The following ZNF521 variants were observed in gnomAD, a reference collection of about 807,000 sequenced individuals.
The protein encoded by ZNF521 is zinc finger protein 521, also known as LYST-interacting protein 3.
Under a neutral mutation model 105.5 loss-of-function variants are expected in ZNF521, and 14 were observed. The ratio of observed to expected loss-of-function variants is 0.13; its 90% CI spans 0.09 to 0.21. The LOEUF is 0.21. Ranked by LOEUF, ZNF521 falls within the 10% of genes least tolerant of loss-of-function variation. ZNF521 has a pLI of 1.00. For synonymous variants in ZNF521, 635 were observed against 606.0 expected, an observed-to-expected ratio of 1.05 and a Z score of -0.70; for missense variants, 1,233 against 1,629.7, an observed-to-expected ratio of 0.76 and a Z score of 4.19.
chr18:25,209,522 G>A (rs961127451), intron 4 of ZNF521, among the ~76,000 whole-genome samples: 1 of 152,138 alleles, frequency 6.6e-6, no homozygotes, highest in African/African-American at 2.4e-5. Flanking sequence ...CTGTGTATGT[G>A]ATTCATACAG....
chr18:25,109,987 T>A (rs1242076876), intron 5 of ZNF521, among the ~76,000 whole-genome samples: 1 of 152,242 alleles, frequency 6.6e-6, no homozygotes, highest in African/African-American at 2.4e-5. Context: ...TTAATCTTTA[T>A]AATTCTTATA....
At chr18:25,167,593 A>G (rs2035367592) in intron 5 of ZNF521, among the ~76,000 whole-genome samples, 1 of 152,210 alleles carries the variant, frequency 6.6e-6, no homozygotes, top group Non-Finnish European at 1.5e-5. Flanking sequence ...TATTTAAAAA[A>G]TGCTTTTCTA....
intron 5 of ZNF521, among the ~76,000 whole-genome samples, chr18:25,159,846 C>T (rs1296077849): frequency 6.6e-6 from 1 of 152,172 alleles, no homozygotes; most frequent in Non-Finnish European, 1.5e-5. Context: ...CTCAGTGTAA[C>T]ACCAAGATAA....
chr18:25,103,748 G>A (rs1489810747), intron 5 of ZNF521, among the ~76,000 whole-genome samples: 2 of 141,216 alleles, frequency 1.4e-5, no homozygotes, highest in East Asian at 4.9e-4. Flanking sequence ...GTGATGGGAA[G>A]AGAGAAGGAG....
intron 2 of ZNF521, among the ~76,000 whole-genome samples, chr18:25,330,357 G>A (rs1269615790): frequency 6.6e-6 from 1 of 151,706 alleles, no homozygotes; most frequent in African/African-American, 2.4e-5. Context: ...GTAGAGACAG[G>A]GTTTCACCAT....
intron 4 of ZNF521, among the ~76,000 whole-genome samples, chr18:25,223,253 G>C (rs961841421): frequency 6.6e-6 from 1 of 152,182 alleles, no homozygotes; most frequent in Non-Finnish European, 1.5e-5. Context: ...ACTTGGGGAG[G>C]GGAGAAGGGG....
intron 5 of ZNF521, among the ~76,000 whole-genome samples, chr18:25,166,841 T>A (rs2035350900): frequency 6.6e-6 from 1 of 152,236 alleles, no homozygotes; most frequent in South Asian, 2.1e-4. Context: ...CACCTATAAC[T>A]GTATGATTAC....
chr18:25,160,402 G>A lies in ZNF521; in HGVS notation c.3658+34758C>T, dbSNP rs8091256. 5.2e-3 allele frequency among the ~76,000 whole-genome samples: 795 copies of A among 152,260 alleles called. 7 individuals are homozygous for A. Among genetic ancestry groups the A allele is most frequent in the African/African-American group, 0.018 (757 of 41,542 alleles). ...CACATGTGGCCAAATTCCACACTAC[G>A]TGATTAATTTGAAGCAAGTGATTAA... On this transcript the variant is annotated intron_variant, in intron 5 of 7. Transcript: ENST00000361524.
chr18:25,336,933 C>T (rs1437938681), intron 2 of ZNF521, among the ~76,000 whole-genome samples: 2 of 152,206 alleles, frequency 1.3e-5, no homozygotes, highest in African/African-American at 4.8e-5. Flanking sequence ...ACTCTTAATT[C>T]TCACAAGAGC....
At chr18:25,159,276 T>G (rs138523549) in intron 5 of ZNF521, among the ~76,000 whole-genome samples, 6 of 152,334 alleles carry the variant, frequency 3.9e-5, no homozygotes, top group Admixed American at 3.9e-4. Context: ...GTTTCTTCCA[T>G]GACAATTTTC....
intron 5 of ZNF521, among the ~76,000 whole-genome samples, chr18:25,107,826 A>T (rs1254409154): frequency 6.6e-6 from 1 of 152,236 alleles, no homozygotes; most frequent in Non-Finnish European, 1.5e-5. Context: ...AAAATGTGGG[A>T]GTACTTCCTG....
At chr18:25,124,722 A>G (rs2034506702) in intron 5 of ZNF521, among the ~76,000 whole-genome samples, 1 of 152,312 alleles carries the variant, frequency 6.6e-6, no homozygotes, top group East Asian at 1.9e-4. Context: ...TAAAAATTCT[A>G]TCTATTTAAG....
At chr18:25,350,040 G>A (rs1228175747) in intron 2 of ZNF521, among the ~76,000 whole-genome samples, 1 of 151,130 alleles carries the variant, frequency 6.6e-6, no homozygotes, top group African/African-American at 2.4e-5. Flanking sequence ...AGGCGGCCGA[G>A]GAGGAGGAGG....
intron 7 of ZNF521, among the ~76,000 whole-genome samples, chr18:25,074,506 G>A (rs1330280059): frequency 1.3e-5 from 2 of 151,818 alleles, no homozygotes; most frequent in Non-Finnish European, 2.9e-5. Context: ...TTTCTTTAAC[G>A]ATCCCTCCCC....
intron 5 of ZNF521, among the ~76,000 whole-genome samples, chr18:25,183,865 C>A (rs894433414): frequency 7.2e-5 from 11 of 152,064 alleles, no homozygotes; most frequent in African/African-American, 2.7e-4. Flanking sequence ...TTTGATTTTA[C>A]TGTTCAAAAT....
At chr18:25,149,409 T>C (rs908179562) in intron 5 of ZNF521, among the ~76,000 whole-genome samples, 1 of 152,208 alleles carries the variant, frequency 6.6e-6, no homozygotes, top group African/African-American at 2.4e-5. Flanking sequence ...GGGGCCAATA[T>C]ATAAGGTTGA....
At chr18:25,320,372 T>A (rs1912872878) in intron 3 of ZNF521, among the ~76,000 whole-genome samples, 1 of 152,174 alleles carries the variant, frequency 6.6e-6, no homozygotes, top group Non-Finnish European at 1.5e-5. Flanking sequence ...GGTTTCACCA[T>A]GTTGATCAGG....
chr18:25,156,134 A>G (rs998877494), intron 5 of ZNF521, among the ~76,000 whole-genome samples: 9 of 152,228 alleles, frequency 5.9e-5, no homozygotes, highest in Non-Finnish European at 1.0e-4. Context: ...ATGGGTAACT[A>G]TGTGAAATGA....
chr18:25,265,478 C>T (rs1448205523), intron 3 of ZNF521, among the ~76,000 whole-genome samples: 1 of 152,180 alleles, frequency 6.6e-6, no homozygotes, highest in Non-Finnish European at 1.5e-5. Flanking sequence ...CCTAAGATCT[C>T]CCTCTAAGAG....
Sources: allele counts gnomAD v4.1 joint callset (sites outside exome capture counted in the v4.1 genomes callset), GRCh38; gene constraint gnomAD v4.1.1; transcripts MANE v1.5; gene names NCBI Gene and HGNC (gene_info 2026-07-23, HGNC 2026-07-21).